Variants in TMEM117 observed in about 807,000 individuals in gnomAD.
The protein encoded by TMEM117 is transmembrane protein 117.
TMEM117 carries 27 observed loss-of-function variants against 52.4 expected under a neutral mutation model. The observed-to-expected ratio is 0.51, with a 90% confidence interval of 0.38 to 0.71. The LOEUF is 0.71. Among genes scored for constraint, TMEM117 ranks in the 30% least tolerant of loss-of-function variants. TMEM117 has a pLI of 0.00. For missense variants in TMEM117, 556 were observed against 630.5 expected, an observed-to-expected ratio of 0.88 and a Z score of 1.26; for synonymous variants, 215 against 206.3, an observed-to-expected ratio of 1.04 and a Z score of -0.36.
At chr12:44,184,009 A>T (rs954355534) in intron 4 of TMEM117, among the ~76,000 whole-genome samples, 3 of 152,080 alleles carry the variant, frequency 2.0e-5, no homozygotes, top group Non-Finnish European at 4.4e-5. Flanking sequence ...CTGGGAAGGG[A>T]CTTTGCAGAT....
chr12:44,083,961 A>C, intron 3 of TMEM117, among the ~76,000 whole-genome samples: 1 of 152,206 alleles, frequency 6.6e-6, no homozygotes, highest in East Asian at 1.9e-4. Flanking sequence ...AAAATACAAC[A>C]AAAAACACAA....
chr12:44,051,991 CAT>C lies in TMEM117; in HGVS notation c.411-91533_411-91532del, dbSNP rs555830295. 1.2e-3 allele frequency among the ~76,000 whole-genome samples: 185 copies of C among 152,320 alleles called. 1 individual carries two copies. Among genetic ancestry groups the C allele is most frequent in the Non-Finnish European group, 2.2e-3 (153 of 68,042 alleles). The stretch of plus-strand genomic sequence containing the variant: ...TCATATACCAGCTCTACTCCTCAGT[CAT>C]GTGCAATATTGGTAAGCTATTTCAT... On this transcript the variant is annotated intron_variant, in intron 3 of 7. Transcript: ENST00000266534.
intron 5 of TMEM117, among the ~76,000 whole-genome samples, chr12:44,249,970 A>G (rs918652277): frequency 3.9e-5 from 6 of 152,238 alleles, no homozygotes; most frequent in Admixed American, 6.5e-5. Flanking sequence ...AGCAATTGCA[A>G]TAAAATCCAA....
intron 5 of TMEM117, among the ~76,000 whole-genome samples, chr12:44,287,622 G>A (rs2138612190): frequency 6.6e-6 from 1 of 152,200 alleles, no homozygotes; most frequent in South Asian, 2.1e-4. Context: ...ACAATAGTAT[G>A]CTTATAATGA....
intron 5 of TMEM117, among the ~76,000 whole-genome samples, chr12:44,240,999 CG>C (rs1007229052): frequency 2.0e-5 from 3 of 151,832 alleles, no homozygotes; most frequent in African/African-American, 7.3e-5. Context: ...CCTTGTTATC[CG>C]TGTGAATTGG....
intron 6 of TMEM117, among the ~76,000 whole-genome samples, chr12:44,370,797 T>C (rs1951854364): frequency 6.6e-6 from 1 of 151,840 alleles, no homozygotes; most frequent in African/African-American, 2.4e-5. Flanking sequence ...GGATTACAGG[T>C]GGGGATTGTT....
At chr12:44,284,488 T>C (rs181378912) in intron 5 of TMEM117, among the ~76,000 whole-genome samples, 24 of 152,288 alleles carry the variant, frequency 1.6e-4, no homozygotes, top group Non-Finnish European at 2.6e-4. Flanking sequence ...GGTGAACAAT[T>C]TAGCATGTAC....
intron 3 of TMEM117, among the ~76,000 whole-genome samples, chr12:44,137,968 G>A (rs1948516272): frequency 6.6e-6 from 1 of 152,144 alleles, no homozygotes; most frequent in Non-Finnish European, 1.5e-5. Context: ...TTATGAAATA[G>A]TTGTACTAGA....
chr12:44,011,276 T>C (rs7137909), intron 3 of TMEM117, among the ~76,000 whole-genome samples: 1,600 of 152,290 alleles, frequency 0.011, 29 homozygotes, highest in African/African-American at 0.037. Context: ...CTGAGGATAG[T>C]ACCAAGCCCT....
chr12:43,835,093 C>T (rs1323491803), upstream of TMEM117, among the ~76,000 whole-genome samples: 1 of 152,134 alleles, frequency 6.6e-6, no homozygotes, highest in African/African-American at 2.4e-5. Flanking sequence ...CTTCCATTAC[C>T]ACAAAATATT....
intron 5 of TMEM117, among the ~76,000 whole-genome samples, chr12:44,298,654 T>C (rs1322398941): frequency 6.7e-6 from 1 of 149,668 alleles, no homozygotes; most frequent in Non-Finnish European, 1.5e-5. Flanking sequence ...TTATGCAAGA[T>C]TTTATGGGGG....
intron 2 of TMEM117, among the ~76,000 whole-genome samples, chr12:43,853,593 G>T (rs1943348707): frequency 6.6e-6 from 1 of 152,130 alleles, no homozygotes; most frequent in Non-Finnish European, 1.5e-5. Context: ...CCTTTTTATT[G>T]TAAGATATAG....
intron 5 of TMEM117, among the ~76,000 whole-genome samples, chr12:44,224,677 T>A (rs1339997844): frequency 1.3e-5 from 2 of 152,274 alleles, no homozygotes; most frequent in East Asian, 3.9e-4. Flanking sequence ...TCTATCGCCA[T>A]GTAAGTGTGG....
At chr12:43,816,191 A>G in the TMEM117 span, among the ~76,000 whole-genome samples, 1 of 152,166 alleles carries the variant, frequency 6.6e-6, no homozygotes, top group Non-Finnish European at 1.5e-5. Flanking sequence ...GGTAGACAAA[A>G]TGCCATTTGG....
At chr12:44,340,485 C>A (rs840772) in intron 6 of TMEM117, among the ~76,000 whole-genome samples, 40,646 of 151,984 alleles carry the variant, frequency 0.27, 8,663 homozygotes, top group African/African-American at 0.6. Flanking sequence ...ACCACAGTTC[C>A]GTTCTCAGTA....
chr12:44,188,987 T>C (rs1272396372), intron 4 of TMEM117, among the ~76,000 whole-genome samples: 1 of 152,166 alleles, frequency 6.6e-6, no homozygotes, highest in Non-Finnish European at 1.5e-5. Context: ...ATTGGATACA[T>C]TCATATAATG....
At chr12:44,179,260 T>C (rs528495829) in intron 4 of TMEM117, among the ~76,000 whole-genome samples, 1 of 152,170 alleles carries the variant, frequency 6.6e-6, no homozygotes, top group East Asian at 1.9e-4. Flanking sequence ...AGAATTGGCT[T>C]ACACAATTGG....
intron 2 of TMEM117, among the ~76,000 whole-genome samples, chr12:43,915,750 A>C (rs779063402): frequency 6.6e-6 from 1 of 152,112 alleles, no homozygotes; most frequent in Admixed American, 6.5e-5. Flanking sequence ...TGAAGAAAGA[A>C]AAAGAAAGAA....
Position 43,922,933 on chromosome 12 carries a change from C to T in TMEM117, c.278-21277C>T, listed in dbSNP as rs547981139. Among the ~76,000 whole-genome samples the T allele has an allele frequency of 7.2e-5, 11 of 152,220 alleles. No homozygotes were observed. The South Asian group carries it at 2.3e-3, about 32-fold the overall frequency. ...ACCTTTATTCCTAAAAGACTGTATA[C>T]TGGAGAATCTGCAGGCATGGGACTT... is the stretch of plus-strand genomic sequence containing the variant. On this transcript the variant is annotated intron_variant, in intron 2 of 7. Coordinates refer to ENST00000266534, the MANE Select transcript of TMEM117 (RefSeq NM_032256.3).
Sources: gnomAD v4.1 joint callset for allele counts (sites outside exome capture counted in the v4.1 genomes callset) on GRCh38, gnomAD v4.1.1 for gene constraint, MANE v1.5 for transcripts, NCBI Gene and HGNC (gene_info 2026-07-23, HGNC 2026-07-21) for gene names.